The following SYN3 variants were observed in gnomAD, a reference collection of about 807,000 sequenced individuals.
SYN3 encodes synapsin III, also known as synapsin-3.
In SYN3, 35 loss-of-function variants were observed where a neutral mutation model predicts 65.8. The ratio of observed to expected loss-of-function variants is 0.53; its 90% CI spans 0.41 to 0.70. The LOEUF is 0.70. Ranked by LOEUF, SYN3 falls within the 30% of genes least tolerant of loss-of-function variation. The pLI is 0.00. For missense variants in SYN3, 680 were observed against 749.0 expected (o/e 0.91, Z 1.08); for synonymous variants, 270 against 292.9 (o/e 0.92, Z 0.80).
rs548514021 is a variant in SYN3, at chr22:32,838,822, T to C, written c.711+26093A>G. Among the ~76,000 whole-genome samples, 8 of 152,038 alleles carry C rather than the reference T, an allele frequency of 5.3e-5. No individual in the cohort carries two copies. The South Asian group carries it at 1.7e-3, about 32-fold the overall frequency. On this transcript the variant is annotated intron_variant, in intron 6 of 13. Transcript: ENST00000358763. Reference sequence around the variant, plus strand: ...CCTCATTCATTCATTCATTCAACATTTTTGGGAACCCTGGCCACAATCTAG... The same window carrying C: ...CCTCATTCATTCATTCATTCAACATCTTTGGGAACCCTGGCCACAATCTAG...
At chr22:32,986,157 G>C (rs537134625) in intron 2 of SYN3, among the ~76,000 whole-genome samples, 2 of 151,994 alleles carry the variant, frequency 1.3e-5, no homozygotes, top group East Asian at 1.9e-4. Flanking sequence ...TTCGCTGACC[G>C]GGTAAGGAAA....
At chr22:32,666,553 G>T (rs886697404) in intron 6 of SYN3, among the ~76,000 whole-genome samples, 1 of 152,074 alleles carries the variant, frequency 6.6e-6, no homozygotes, top group Non-Finnish European at 1.5e-5. Context: ...AATCTGGAAG[G>T]CTCCTTCCTT....
intron 6 of SYN3, among the ~76,000 whole-genome samples, chr22:32,699,537 T>C (rs940282144): frequency 6.6e-6 from 1 of 151,924 alleles, no homozygotes; most frequent in African/African-American, 2.4e-5. Context: ...TGTGCAGGGA[T>C]GGGGGTAGGT....
intron 4 of SYN3, among the ~76,000 whole-genome samples, chr22:32,905,269 T>C (rs1005468859): frequency 6.6e-6 from 1 of 152,234 alleles, no homozygotes; most frequent in African/African-American, 2.4e-5. Flanking sequence ...CCAAAGTTTC[T>C]ATTCAATAAA....
In SYN3 at chr22:32,658,148, G is replaced by C. The variant is rs373125161; in HGVS notation, c.712-61412C>G. On this transcript the variant is annotated intron_variant, in intron 6 of 13. Coordinates refer to ENST00000358763, the MANE Select transcript of SYN3 (RefSeq NM_003490.4). ...GAGGAGACCTCTCCATTCTTACGGT[G>C]AACAGGCCAAGTGAGGCAGAAGGAG... Among the ~76,000 whole-genome samples, 64 of 152,340 alleles carry C rather than the reference G, an allele frequency of 4.2e-4. No individual in the cohort carries two copies. The East Asian group carries it at 9.5e-3, about 23-fold the overall frequency.
chr22:32,775,040 T>C (rs781513792), intron 6 of SYN3, among the ~76,000 whole-genome samples: 1 of 152,134 alleles, frequency 6.6e-6, no homozygotes, highest in Non-Finnish European at 1.5e-5. Flanking sequence ...TGGACAGCCA[T>C]AAACTTAGCA....
intron 6 of SYN3, among the ~76,000 whole-genome samples, chr22:32,677,522 G>GGC (rs1232555789): frequency 6.6e-6 from 1 of 152,166 alleles, no homozygotes; most frequent in Non-Finnish European, 1.5e-5. Context: ...AGATTGACTG[G>GGC]GCGCGGTGGC....
intron 6 of SYN3, among the ~76,000 whole-genome samples, chr22:32,816,972 C>T (rs1473530016): frequency 6.6e-6 from 1 of 152,024 alleles, no homozygotes; most frequent in Non-Finnish European, 1.5e-5. Context: ...TATAACCCCA[C>T]CTTGGGAGGC....
intron 1 of SYN3, 104 bp downstream of exon 1, chr22:33,058,188 G>A (rs905504303): frequency 6.6e-6 from 1 of 152,344 alleles, no homozygotes; most frequent in East Asian, 1.9e-4. Flanking sequence ...AGCTCCAGGG[G>A]ACGCAGCCCG....
At chr22:32,686,899 C>T (rs1001129722) in intron 6 of SYN3, among the ~76,000 whole-genome samples, 2 of 151,768 alleles carry the variant, frequency 1.3e-5, no homozygotes, top group African/African-American at 2.4e-5. Context: ...CTGGCCCAGC[C>T]GCTCCATTTG....
intron 6 of SYN3, among the ~76,000 whole-genome samples, chr22:32,740,177 T>A (rs2061386995): frequency 1.3e-5 from 2 of 152,204 alleles, no homozygotes; most frequent in South Asian, 4.1e-4. Flanking sequence ...AAAATGGAAC[T>A]TGCACCAACA....
intron 7 of SYN3, among the ~76,000 whole-genome samples, chr22:32,595,083 A>T (rs964815549): frequency 1.3e-5 from 2 of 152,112 alleles, no homozygotes; most frequent in Admixed American, 1.3e-4. Context: ...AAACTGTGGG[A>T]GACCCCCAGT....
chr22:32,562,335 C>T (rs765626475), intron 7 of SYN3, among the ~76,000 whole-genome samples: 6 of 152,190 alleles, frequency 3.9e-5, no homozygotes, highest in Non-Finnish European at 5.9e-5. Flanking sequence ...GACAGGGCAG[C>T]GGGCTCCTCC....
At chr22:32,685,979 A>T (rs2060583536) in intron 6 of SYN3, among the ~76,000 whole-genome samples, 1 of 152,174 alleles carries the variant, frequency 6.6e-6, no homozygotes, top group Non-Finnish European at 1.5e-5. Context: ...TCATTAAAAA[A>T]CACATTTAAT....
chr22:32,587,693 T>C (rs184914517), intron 7 of SYN3, among the ~76,000 whole-genome samples: 237 of 152,266 alleles, frequency 1.6e-3, no homozygotes, highest in African/African-American at 5.5e-3. Flanking sequence ...CCAGGTCACT[T>C]GGAGCTGATG....
chr22:32,770,910 C>CT (rs1287533114), intron 6 of SYN3, among the ~76,000 whole-genome samples: 5 of 114,304 alleles, frequency 4.4e-5, no homozygotes, highest in South Asian at 5.1e-4. Flanking sequence ...ATTTATTTTA[C>CT]TTTAAGTTCT....
chr22:33,011,447 C>G (rs1452279708), intron 1 of SYN3, among the ~76,000 whole-genome samples: 2 of 152,106 alleles, frequency 1.3e-5, no homozygotes, highest in Non-Finnish European at 2.9e-5. Flanking sequence ...GTGTATTACC[C>G]TTTTTATATA....
chr22:33,013,907 C>G (rs1238676431), intron 1 of SYN3, among the ~76,000 whole-genome samples: 1 of 151,800 alleles, frequency 6.6e-6, no homozygotes. Flanking sequence ...ATTTTCCCCT[C>G]CTTTTTTTTT....
chr22:32,981,533 C>T (rs1007458464), intron 2 of SYN3, among the ~76,000 whole-genome samples: 1 of 151,796 alleles, frequency 6.6e-6, no homozygotes, highest in Non-Finnish European at 1.5e-5. Context: ...TGCGGTGAGC[C>T]AAGATCACGC....
Sources: allele counts gnomAD v4.1 joint callset (sites outside exome capture counted in the v4.1 genomes callset), GRCh38; gene constraint gnomAD v4.1.1; transcripts MANE v1.5; gene names NCBI Gene and HGNC (gene_info 2026-07-23, HGNC 2026-07-21).